The following PARP12 variants were observed in gnomAD, a reference collection of about 807,000 sequenced individuals.
PARP12 encodes the protein protein mono-ADP-ribosyltransferase PARP12.
Under a neutral mutation model 72.4 loss-of-function variants are expected in PARP12, and 59 were observed. The observed-to-expected ratio is 0.81, with a 90% CI of 0.66 to 1.01. The LOEUF is 1.01. Ranked by LOEUF, PARP12 falls within the 50% of genes least tolerant of loss-of-function variation. The pLI, the probability that PARP12 is intolerant of heterozygous loss-of-function variation, is 0.00. For synonymous variants in PARP12, 403 were observed against 371.4 expected (o/e 1.09, Z -0.98); for missense variants, 851 against 914.0 (o/e 0.93, Z 0.89).
At chr7:140,025,246 T>C (rs1371276296) in intron 11 of PARP12, 1 of 307,756 alleles carries the variant, frequency 3.2e-6, no homozygotes, top group East Asian at 7.7e-5. Flanking sequence ...CTTACAGGGT[T>C]GGCATGGAAA....
At chr7:140,028,369 T>C (rs1200741260) in intron 9 of PARP12, among the ~76,000 whole-genome samples, 2 of 152,032 alleles carry the variant, frequency 1.3e-5, no homozygotes, top group African/African-American at 2.4e-5. Context: ...TTCACGCTCA[T>C]CCTCCTCCCT....
chr7:140,059,727 T>C (rs543987659), intron 1 of PARP12, among the ~76,000 whole-genome samples: 3 of 152,282 alleles, frequency 2.0e-5, no homozygotes, highest in South Asian at 4.1e-4. Context: ...CCTTGCCTGC[T>C]CTCTTTCCCT....
intron 1 of PARP12, among the ~76,000 whole-genome samples, chr7:140,058,642 T>C (rs552830798): frequency 1.3e-5 from 2 of 152,312 alleles, no homozygotes; most frequent in East Asian, 3.9e-4. Flanking sequence ...CTCAGACTTC[T>C]AGCCTCCAGA....
intron 10 of PARP12, among the ~76,000 whole-genome samples, chr7:140,026,625 T>C (rs914672409): frequency 1.3e-5 from 2 of 151,886 alleles, no homozygotes; most frequent in Non-Finnish European, 2.9e-5. Context: ...CCTTGGAAAA[T>C]GGGTACCATT....
rs1025845161 is a variant in PARP12, at chr7:140,062,891, G to A, written c.-44C>T. On this transcript the variant is annotated 5_prime_UTR_variant, in exon 1 of 12. Coordinates refer to ENST00000263549, the MANE Select transcript of PARP12 (RefSeq NM_022750.4). ...CGTCGGACCGCGGGTGGCGCGACGC[G>A]GACGGCGGCGGACGCTGGCTGGCGG... 2 of 1,225,576 alleles carry A rather than the reference G, an allele frequency of 1.6e-6. No homozygotes were observed. The highest frequency in any genetic ancestry group is 1.0e-6 in the Non-Finnish European group (1 of 981,926). The allele number at this position is 1,225,576 out of a possible 1,614,324, so 75.9% of individuals were successfully genotyped here. A position where few individuals can be genotyped will look rare whatever the true frequency, so the allele number is the denominator to read the frequency against.
At chr7:140,034,061 G>GT (rs1816046665) in intron 8 of PARP12, 174 bp downstream of exon 8, 2 of 1,296,602 alleles carry the variant, frequency 1.5e-6, no homozygotes, top group Non-Finnish European at 2.0e-6. Flanking sequence ...TACCCACAGG[G>GT]TAATTCCCAC....
At chr7:140,058,676 C>T (rs6945359) in intron 1 of PARP12, among the ~76,000 whole-genome samples, 72,403 of 151,934 alleles carry the variant, frequency 0.48, 19,503 homozygotes, top group African/African-American at 0.72. Flanking sequence ...CGATTTCTGT[C>T]GTTTAAGCCT....
rs1815643103 is a variant in PARP12, at chr7:140,024,433, T to G, written c.*127A>C. ...CATTATTAGCAAGAGATTAAGAACA[T>G]AACTTCATTGAGAGGTCAATGTTAA... On this transcript the variant is annotated 3_prime_UTR_variant, in exon 12 of 12. Coordinates refer to ENST00000263549, the MANE Select transcript of PARP12 (RefSeq NM_022750.4). The G allele has an allele frequency of 3.8e-6, 4 of 1,051,900 alleles. No individual in the cohort carries two copies. Among genetic ancestry groups the G allele is most frequent in the Admixed American group, 2.0e-5 (1 of 49,878 alleles). 65.2% of individuals were successfully genotyped at this position (1,051,900 alleles called of 1,614,324 possible).
chr7:140,054,898 G>A lies in PARP12; in HGVS notation c.761-135C>T, dbSNP rs1022643676. Reference sequence around the variant, plus strand: ...AAGCCCTATCGTGTTTGGGGTGAAAGTGCTCCTACACAGGTGGATCCTCTA... The same window carrying A: ...AAGCCCTATCGTGTTTGGGGTGAAAATGCTCCTACACAGGTGGATCCTCTA... On this transcript the variant is annotated intron_variant, in intron 3 of 11. Coordinates refer to ENST00000263549, the MANE Select transcript of PARP12 (RefSeq NM_022750.4). 12 of 700,448 alleles carry A rather than the reference G, an allele frequency of 1.7e-5. No homozygotes were observed. The Admixed American group carries it at 2.4e-4, about 14-fold the overall frequency. The allele number at this position is 700,448 out of a possible 1,614,324, so 43.4% of individuals were successfully genotyped here.
Position 140,062,554 on chromosome 7 carries a change from C to T in PARP12, c.294G>A (p.Met98Ile). The T allele has an allele frequency of 1.3e-6, 2 of 1,556,254 alleles. No individual in the cohort carries two copies. Among genetic ancestry groups the T allele is most frequent in the Non-Finnish European group, 1.7e-6 (2 of 1,155,568 alleles). The change falls in exon 1 of 12, where the codon ATG becomes ATA. Residue 98 changes from methionine to isoleucine, a missense_variant. By Grantham distance (10) the Met-to-Ile change is conservative. Coordinates refer to ENST00000263549, the MANE Select transcript of PARP12 (RefSeq NM_022750.4). ...TCAGGAACTTGCAGGCGCCGTAGAC[C>T]ATGAACCTGCAGAGGTGGAGCTGCG... is the stretch of plus-strand genomic sequence containing the variant. ...LCAQLHLCRF[M>I]VYGACKFLRA...
At chr7:140,040,530 T>C (rs904170760) in intron 6 of PARP12, among the ~76,000 whole-genome samples, 1 of 152,206 alleles carries the variant, frequency 6.6e-6, no homozygotes, top group Non-Finnish European at 1.5e-5. Context: ...CAATGTCTAT[T>C]TCCTGAGGAC....
At chr7:140,028,498 C>T (rs761000517) in intron 9 of PARP12, 115 bp downstream of exon 9, 16 of 901,104 alleles carry the variant, frequency 1.8e-5, no homozygotes, top group Admixed American at 3.6e-5. Flanking sequence ...CCTCCTGCCC[C>T]AATTAGCCCC....
At chr7:140,026,136 C>G in intron 11 of PARP12, 61 bp downstream of exon 11, 4 of 1,612,486 alleles carry the variant, frequency 2.5e-6, no homozygotes, top group Non-Finnish European at 3.4e-6. Flanking sequence ...CTCTAGCAGT[C>G]TGTTCCTATG....
chr7:140,057,368 T>C (rs1817229862), intron 2 of PARP12: 1 of 581,678 alleles, frequency 1.7e-6, no homozygotes, highest in South Asian at 2.2e-5. Flanking sequence ...CTGCACAGAA[T>C]CAGCCCCTCC....
intron 9 of PARP12, 103 bp downstream of exon 9, chr7:140,028,510 G>C (rs1585081127): frequency 1.9e-6 from 2 of 1,052,630 alleles, no homozygotes; most frequent in East Asian, 6.0e-5. Flanking sequence ...ATTAGCCCCA[G>C]CCTTACAGCT....
At chr7:140,049,842 G>A (rs1474540197) in intron 4 of PARP12, among the ~76,000 whole-genome samples, 3 of 152,158 alleles carry the variant, frequency 2.0e-5, no homozygotes, top group Admixed American at 6.5e-5. Flanking sequence ...GAGACATAAG[G>A]TCCTTTCCCT....
At chr7:140,041,132 C>T (rs768317220) in intron 6 of PARP12, among the ~76,000 whole-genome samples, 2 of 152,184 alleles carry the variant, frequency 1.3e-5, no homozygotes, top group Middle Eastern at 3.2e-3. Flanking sequence ...CAAACACCTG[C>T]GAAGAATTGA....
intron 8 of PARP12, chr7:140,034,001 T>C: frequency 1.8e-6 from 2 of 1,129,110 alleles, no homozygotes; most frequent in African/African-American, 1.6e-5. Context: ...CTCCAGAGAA[T>C]CATCGCAGAT....
At chr7:140,025,783 C>G (rs1040493860) in intron 11 of PARP12, among the ~76,000 whole-genome samples, 1 of 152,180 alleles carries the variant, frequency 6.6e-6, no homozygotes, top group Non-Finnish European at 1.5e-5. Flanking sequence ...AGAAAACACT[C>G]AGATAACTCA....
Sources: allele counts gnomAD v4.1 joint callset (sites outside exome capture counted in the v4.1 genomes callset), GRCh38; gene constraint gnomAD v4.1.1; transcripts MANE v1.5; gene names NCBI Gene and HGNC (gene_info 2026-07-23, HGNC 2026-07-21).